SLC22A24: variants seen among roughly 807,000 people sequenced by gnomAD.
SLC22A24 encodes the protein steroid transmembrane transporter SLC22A24.
Under a neutral mutation model 49.8 loss-of-function variants are expected in SLC22A24, and 53 were observed. That is an observed-to-expected ratio of 1.06 (90% CI 0.85 to 1.34). The LOEUF (loss-of-function observed/expected upper bound fraction) is 1.34. Among genes scored for constraint, SLC22A24 ranks in the 40% most tolerant of loss-of-function variants. The pLI, the probability that SLC22A24 is intolerant of heterozygous loss-of-function variation, is 0.00. For synonymous variants in SLC22A24, 302 were observed against 256.4 expected (o/e 1.18, Z -1.70); for missense variants, 786 against 675.9 (o/e 1.16, Z -1.81).
intron 2 of SLC22A24, among the ~76,000 whole-genome samples, chr11:63,120,510 G>A (rs539968128): frequency 6.6e-6 from 1 of 152,170 alleles, no homozygotes; most frequent in African/African-American, 2.4e-5. Flanking sequence ...TCCCCTCAGT[G>A]CAGAAACTGG....
chr11:63,090,020 G>A (rs999435708), intron 6 of SLC22A24, among the ~76,000 whole-genome samples: 8 of 132,746 alleles, frequency 6.0e-5, no homozygotes, highest in African/African-American at 2.3e-4. Flanking sequence ...GGCAGAGCTT[G>A]CAGAGAGCTG....
chr11:63,105,205 C>T (rs563643694), intron 4 of SLC22A24, among the ~76,000 whole-genome samples: 2 of 152,196 alleles, frequency 1.3e-5, no homozygotes, highest in Non-Finnish European at 2.9e-5. Context: ...CTACTGGATG[C>T]TTTTGCAGTC....
chr11:63,137,687 C>A (rs4963249), intron 1 of SLC22A24, among the ~76,000 whole-genome samples: 4 of 152,008 alleles, frequency 2.6e-5, no homozygotes, highest in African/African-American at 7.3e-5. Flanking sequence ...CCCATGCAGC[C>A]CATTGGGCAG....
At chr11:63,113,579 G>A (rs568246483) in intron 4 of SLC22A24, among the ~76,000 whole-genome samples, 2 of 152,050 alleles carry the variant, frequency 1.3e-5, no homozygotes, top group Admixed American at 1.3e-4. Context: ...GTTGAGGCCG[G>A]GCACAGTGGC....
chr11:63,127,712 C>A (rs1470279151), intron 2 of SLC22A24, among the ~76,000 whole-genome samples: 3 of 152,170 alleles, frequency 2.0e-5, no homozygotes, highest in African/African-American at 7.2e-5. Flanking sequence ...TTTTGATTTG[C>A]ATTTCTCTGA....
chr11:63,100,920 A>G (rs1391560986), intron 5 of SLC22A24, among the ~76,000 whole-genome samples: 1 of 152,158 alleles, frequency 6.6e-6, no homozygotes, highest in East Asian at 1.9e-4. Context: ...GCTTACATCT[A>G]AGATTGCAAA....
At chr11:63,080,339 C>T (rs1335845757) in intron 9 of SLC22A24, among the ~76,000 whole-genome samples, 1 of 152,116 alleles carries the variant, frequency 6.6e-6, no homozygotes, top group African/African-American at 2.4e-5. Context: ...TTAATTTTGT[C>T]TCCTCAAAAT....
intron 4 of SLC22A24, among the ~76,000 whole-genome samples, chr11:63,111,149 A>C (rs2087160836): frequency 6.6e-6 from 1 of 152,010 alleles, no homozygotes; most frequent in Non-Finnish European, 1.5e-5. Context: ...GCTGGATTAC[A>C]TTTATTGATT....
At chr11:63,138,852 A>G (rs1231871211) in intron 1 of SLC22A24, among the ~76,000 whole-genome samples, 1 of 151,654 alleles carries the variant, frequency 6.6e-6, no homozygotes, top group Non-Finnish European at 1.5e-5. Context: ...TTTCCCCCCC[A>G]TGGATAGCTT....
At chr11:63,094,649 C>T (rs1215034997) in intron 6 of SLC22A24, among the ~76,000 whole-genome samples, 3 of 152,118 alleles carry the variant, frequency 2.0e-5, no homozygotes, top group Non-Finnish European at 4.4e-5. Context: ...CCTGTTGTTT[C>T]CTGACTTTTT....
chr11:63,104,023 A>G (rs1208265004), intron 5 of SLC22A24, 152 bp downstream of exon 5: 1 of 639,624 alleles, frequency 1.6e-6, no homozygotes, highest in Non-Finnish European at 2.5e-6. Context: ...CAAATCTTTG[A>G]CAGGAGGAAA....
chr11:63,083,237 T>G lies in SLC22A24; in HGVS notation c.1285+6A>C, dbSNP rs917391807. ...CTTTCTTTCCTGAAACTCCTGTCTC[T>G]CTCACCTTGGGGCAAAAAGGTGTTG... On this transcript the variant is annotated splice_donor_region_variant and intron_variant, in intron 7 of 9. Coordinates refer to ENST00000612278, the MANE Select transcript of SLC22A24 (RefSeq NM_001136506.2). 1.9e-5 allele frequency: 29 copies of G among 1,551,784 alleles called. No individual in the cohort carries two copies. Among genetic ancestry groups the G allele is most frequent in the Non-Finnish European group, 2.4e-5 (27 of 1,146,550 alleles).
chr11:63,133,780 C>G (rs561740741), intron 2 of SLC22A24, among the ~76,000 whole-genome samples: 1 of 151,944 alleles, frequency 6.6e-6, no homozygotes, highest in Non-Finnish European at 1.5e-5. Context: ...TAGCTGGGAG[C>G]TATATAGGTG....
intron 1 of SLC22A24, among the ~76,000 whole-genome samples, chr11:63,142,373 A>G (rs1046325890): frequency 1.3e-5 from 2 of 152,114 alleles, no homozygotes; most frequent in African/African-American, 4.8e-5. Flanking sequence ...CAAAATTATG[A>G]CTGAGACCGT....
chr11:63,138,665 A>G lies in SLC22A24; in HGVS notation c.403-3897T>C, dbSNP rs1006507894. 3.3e-5 allele frequency among the ~76,000 whole-genome samples: 4 copies of G among 119,416 alleles called. No individual in the cohort carries two copies. In the East Asian group the frequency reaches 1.1e-3, roughly 33 times the overall value. 78.3% of individuals were successfully genotyped at this position (119,416 alleles called of 152,430 possible). A position where few individuals can be genotyped will look rare whatever the true frequency, so the allele number is the denominator to read the frequency against. On this transcript the variant is annotated intron_variant, in intron 1 of 9. Transcript: ENST00000612278. ...TCAAAAAAAAAAAAAAAAAAAAAAA[A>G]AAAAGAAATTGGCTTCTGTACTCTC... is the stretch of plus-strand genomic sequence containing the variant.
intron 4 of SLC22A24, among the ~76,000 whole-genome samples, chr11:63,113,547 G>A (rs2087190393): frequency 6.6e-6 from 1 of 151,952 alleles, no homozygotes. Context: ...TTCTGGGGTT[G>A]AAAATTCTTT....
intron 4 of SLC22A24, among the ~76,000 whole-genome samples, chr11:63,110,834 C>A (rs1306822629): frequency 7.0e-6 from 1 of 143,608 alleles, no homozygotes; most frequent in African/African-American, 2.5e-5. Flanking sequence ...ATTGAATACC[C>A]TTTATTTCCT....
chr11:63,104,370 C>G, intron 4 of SLC22A24, 72 bp from the exon 5 acceptor site: 1 of 1,438,314 alleles, frequency 7.0e-7, no homozygotes, highest in Non-Finnish European at 9.2e-7. Context: ...CATGAAATTC[C>G]TTTCCCCTTT....
Position 63,081,036 on chromosome 11 carries a change from G to C in SLC22A24, c.1482C>G (p.Pro494=). The C allele has an allele frequency of 1.3e-6, 2 of 1,551,654 alleles. No homozygotes were observed. The highest frequency in any genetic ancestry group is 1.7e-6 in the Non-Finnish European group (2 of 1,146,968). Residue 494 remains proline (P), a synonymous_variant, in exon 9 of 10, where the codon CCC becomes CCG. Coordinates refer to ENST00000612278, the MANE Select transcript of SLC22A24 (RefSeq NM_001136506.2). ...PLLMTLMAYS[P]HLPWISYGVF... ...CTCCATAGGAAATCCAGGGTAGGTG[G>C]GGAGAATACGCCATTAAGGTCATCA...
Sources: gnomAD v4.1 joint callset for allele counts (sites outside exome capture counted in the v4.1 genomes callset) on GRCh38, gnomAD v4.1.1 for gene constraint, MANE v1.5 for transcripts, NCBI Gene and HGNC (gene_info 2026-07-23, HGNC 2026-07-21) for gene names.